LTBP1: variants seen among roughly 807,000 people sequenced by gnomAD.
The protein encoded by LTBP1 is latent-transforming growth factor beta-binding protein 1.
Under a neutral mutation model 207.6 loss-of-function variants are expected in LTBP1, and 129 were observed. That is an observed-to-expected ratio of 0.62 (90% confidence interval 0.54 to 0.72). The LOEUF is 0.72. Among genes scored for constraint, LTBP1 ranks in the 30% least tolerant of loss-of-function variants. The pLI, the probability that LTBP1 is intolerant of heterozygous loss-of-function variation, is 0.00. For synonymous variants in LTBP1, 963 were observed against 833.7 expected (o/e 1.16, Z -2.67); for missense variants, 2,281 against 2,217.2 (o/e 1.03, Z -0.58).
intron 2 of LTBP1, among the ~76,000 whole-genome samples, chr2:32,956,733 G>A (rs1318265324): frequency 6.6e-6 from 1 of 152,094 alleles, no homozygotes; most frequent in Non-Finnish European, 1.5e-5. Context: ...GAAGGTTTTC[G>A]ATTTACTTTG....
chr2:33,180,186 A>G (rs1573010745), intron 5 of LTBP1, among the ~76,000 whole-genome samples: 1 of 152,340 alleles, frequency 6.6e-6, no homozygotes, highest in East Asian at 1.9e-4. Context: ...AGTCCGAGTC[A>G]GTATAAGTTA....
chr2:33,340,902 T>C (rs548013413), intron 24 of LTBP1, among the ~76,000 whole-genome samples: 162 of 152,342 alleles, frequency 1.1e-3, no homozygotes, highest in Middle Eastern at 6.8e-3. Context: ...ACAATGAGTA[T>C]AGACAATCCT....
intron 31 of LTBP1, among the ~76,000 whole-genome samples, chr2:33,370,064 G>C (rs2095048270): frequency 6.8e-6 from 1 of 148,058 alleles, no homozygotes; most frequent in African/African-American, 2.5e-5. Flanking sequence ...TTCTCTCTCT[G>C]TACCTCAGTT....
At chr2:33,177,652 AGT>A (rs1192449574) in intron 5 of LTBP1, among the ~76,000 whole-genome samples, 1 of 152,206 alleles carries the variant, frequency 6.6e-6, no homozygotes, top group Admixed American at 6.5e-5. Context: ...TGGGTGACAG[AGT>A]GAGACCTTGT....
intron 5 of LTBP1, among the ~76,000 whole-genome samples, chr2:33,150,674 T>C (rs1005590252): frequency 2.0e-5 from 3 of 151,140 alleles, no homozygotes; most frequent in Non-Finnish European, 4.4e-5. Context: ...TTATTTCACT[T>C]ACTTTGCTTT....
At chr2:33,228,208 C>T (rs1028013413) in intron 9 of LTBP1, among the ~76,000 whole-genome samples, 1 of 151,846 alleles carries the variant, frequency 6.6e-6, no homozygotes, top group Admixed American at 6.6e-5. Flanking sequence ...GTTTGTAAGC[C>T]CAGAAGTCAT....
chr2:33,150,788 C>T (rs1256695795), intron 5 of LTBP1, among the ~76,000 whole-genome samples: 7 of 134,226 alleles, frequency 5.2e-5, no homozygotes. Flanking sequence ...GCAACCTCCA[C>T]CTGGGAGGCG....
intron 4 of LTBP1, 129 bp downstream of exon 4, chr2:33,110,880 G>T (rs2080362467): frequency 1.2e-6 from 1 of 856,020 alleles, no homozygotes; most frequent in Admixed American, 2.9e-5. Context: ...ATCCACATTG[G>T]TTCCTGAAGC....
intron 7 of LTBP1, among the ~76,000 whole-genome samples, chr2:33,190,317 G>A (rs1310976140): frequency 6.6e-6 from 1 of 151,828 alleles, no homozygotes; most frequent in Non-Finnish European, 1.5e-5. Context: ...CCTCTGCGAT[G>A]TCTTGAATAT....
intron 3 of LTBP1, among the ~76,000 whole-genome samples, chr2:33,061,148 T>C (rs1344458315): frequency 6.6e-6 from 1 of 152,130 alleles, no homozygotes; most frequent in Non-Finnish European, 1.5e-5. Flanking sequence ...TCTAACCAAA[T>C]ATGGTGGGTT....
intron 26 of LTBP1, among the ~76,000 whole-genome samples, chr2:33,348,872 T>C (rs1376457360): frequency 1.3e-5 from 2 of 152,194 alleles, no homozygotes; most frequent in Admixed American, 1.3e-4. Context: ...AGCTTATTCA[T>C]TTGTATAGCT....
At chr2:33,053,162 C>T (rs758637327) in intron 3 of LTBP1, among the ~76,000 whole-genome samples, 52 of 152,308 alleles carry the variant, frequency 3.4e-4, no homozygotes, top group Admixed American at 1.6e-3. Flanking sequence ...TAAGCCACCG[C>T]GCCTGGCCTA....
chr2:33,136,796 T>A (rs188194829), intron 5 of LTBP1, among the ~76,000 whole-genome samples: 7 of 152,322 alleles, frequency 4.6e-5, no homozygotes, highest in Non-Finnish European at 8.8e-5. Context: ...TTGCTGGCAC[T>A]GAACCAGATG....
At chr2:33,357,114 A>C (rs908529990) in intron 26 of LTBP1, among the ~76,000 whole-genome samples, 2 of 152,140 alleles carry the variant, frequency 1.3e-5, no homozygotes, top group Non-Finnish European at 2.9e-5. Flanking sequence ...AGATTTTCTC[A>C]CCCCAACAGT....
chr2:33,114,865 T>C (rs1362832398), intron 4 of LTBP1, among the ~76,000 whole-genome samples: 1 of 152,090 alleles, frequency 6.6e-6, no homozygotes, highest in Non-Finnish European at 1.5e-5. Context: ...TATAGAGTTA[T>C]CATATAACCC....
intron 2 of LTBP1, among the ~76,000 whole-genome samples, chr2:32,995,110 GAA>G (rs2148900601): frequency 6.6e-6 from 1 of 151,756 alleles, no homozygotes; most frequent in South Asian, 2.1e-4. Flanking sequence ...CTTGAGCTGA[GAA>G]GTTTAAAGCT....
At position 32,947,830 on chromosome 2, in the gene LTBP1, C is replaced by A. The variant is rs1474554918; in HGVS notation, c.494+12C>A. The A allele has an allele frequency of 1.5e-6, 2 of 1,301,186 alleles. No homozygotes were observed. Among genetic ancestry groups the A allele is most frequent in the South Asian group, 2.6e-5 (1 of 38,102 alleles). The allele number at this position is 1,301,186 out of a possible 1,614,324, so 80.6% of individuals were successfully genotyped here. A position where few individuals can be genotyped will look rare whatever the true frequency, so the allele number is the denominator to read the frequency against. ...CAGCAGCTGCAGGGGTAAGCCCACA[C>A]CCCCTTCCGCCCGCCCGCCCGCCTC... On this transcript the variant is annotated intron_variant, in intron 1 of 33. Transcript: ENST00000404816.
chr2:33,237,160 G>T (rs1342328337), intron 9 of LTBP1, among the ~76,000 whole-genome samples: 1 of 152,180 alleles, frequency 6.6e-6, no homozygotes, highest in Non-Finnish European at 1.5e-5. Context: ...TTCCACAGAT[G>T]ACCAGTTCAG....
intron 31 of LTBP1, among the ~76,000 whole-genome samples, chr2:33,372,631 T>C (rs1034456362): frequency 6.6e-6 from 1 of 152,310 alleles, no homozygotes; most frequent in East Asian, 1.9e-4. Context: ...CCCAGCACTT[T>C]GGGAGGCAGA....
Sources: gnomAD v4.1 joint callset for allele counts (sites outside exome capture counted in the v4.1 genomes callset) on GRCh38, gnomAD v4.1.1 for gene constraint, MANE v1.5 for transcripts, NCBI Gene and HGNC (gene_info 2026-07-23, HGNC 2026-07-21) for gene names.